The following DLGAP2 variants were observed in gnomAD, a reference collection of about 807,000 sequenced individuals.
DLGAP2 encodes disks large-associated protein 2.
In DLGAP2, 26 loss-of-function variants were observed where a neutral mutation model predicts 100.3. The observed-to-expected ratio is 0.26, with a 90% CI of 0.19 to 0.36. The LOEUF is 0.36. Ranked by LOEUF, DLGAP2 falls within the 10% of genes least tolerant of loss-of-function variation. DLGAP2 has a pLI of 1.00. For synonymous variants in DLGAP2, 886 were observed against 630.1 expected, an observed-to-expected ratio of 1.41 and a Z score of -6.08; for missense variants, 1,858 against 1,453.2, an observed-to-expected ratio of 1.28 and a Z score of -4.53.
At chr8:927,304 T>A (rs184595181) in intron 2 of DLGAP2, 2 of 896,526 alleles carry the variant, frequency 2.2e-6, no homozygotes, top group African/African-American at 3.6e-5. Flanking sequence ...TGGCGACTGT[T>A]TTCTTACTTG....
chr8:1,350,244 C>T (rs1247376190), intron 3 of DLGAP2, among the ~76,000 whole-genome samples: 101 of 117,342 alleles, frequency 8.6e-4, no homozygotes, highest in Middle Eastern at 5.4e-3. Context: ...GTGGAAAGGC[C>T]GTGCGGGTCC....
chr8:1,534,812 G>A (rs1801102803), intron 4 of DLGAP2, among the ~76,000 whole-genome samples: 1 of 152,178 alleles, frequency 6.6e-6, no homozygotes, highest in African/African-American at 2.4e-5. Flanking sequence ...GTGTGCGCGT[G>A]ATGTGTGTGC....
At chr8:1,104,488 G>A (rs1050075944) in intron 2 of DLGAP2, among the ~76,000 whole-genome samples, 11 of 152,336 alleles carry the variant, frequency 7.2e-5, no homozygotes, top group Admixed American at 3.9e-4. Context: ...AGGGGTGGGC[G>A]TGTAAAACCA....
intron 2 of DLGAP2, among the ~76,000 whole-genome samples, chr8:1,012,747 G>A (rs549107794): frequency 2.9e-4 from 32 of 112,044 alleles, no homozygotes; most frequent in African/African-American, 9.7e-4. Context: ...CCACTTCAGC[G>A]GCAGTGTGGA....
intron 2 of DLGAP2, among the ~76,000 whole-genome samples, chr8:955,276 G>A (rs1584921270): frequency 6.6e-6 from 1 of 152,070 alleles, no homozygotes; most frequent in Non-Finnish European, 1.5e-5. Context: ...TATGTTTATG[G>A]AGTTAAACCT....
chr8:1,542,940 G>T (rs931135300), intron 4 of DLGAP2, among the ~76,000 whole-genome samples: 3 of 152,166 alleles, frequency 2.0e-5, no homozygotes, highest in African/African-American at 2.4e-5. Flanking sequence ...CTGTGGTTTT[G>T]ATTTCATTTC....
At chr8:872,863 A>G (rs922425949) in intron 1 of DLGAP2, among the ~76,000 whole-genome samples, 75 of 152,126 alleles carry the variant, frequency 4.9e-4, no homozygotes, top group African/African-American at 1.7e-3. Context: ...AGTCCTCAAT[A>G]TCCAGGGTGG....
At chr8:1,456,646 T>A (rs1020354879) in intron 3 of DLGAP2, among the ~76,000 whole-genome samples, 1 of 152,218 alleles carries the variant, frequency 6.6e-6, no homozygotes, top group Non-Finnish European at 1.5e-5. Flanking sequence ...ACAAATTGCA[T>A]CATTAGAAAA....
chr8:1,124,526 T>A (rs1043457593), intron 2 of DLGAP2, among the ~76,000 whole-genome samples: 3 of 152,266 alleles, frequency 2.0e-5, no homozygotes, highest in Non-Finnish European at 2.9e-5. Flanking sequence ...AATATACTTT[T>A]CTGTTTGTTT....
chr8:1,132,342 G>C (rs943598638), intron 2 of DLGAP2, among the ~76,000 whole-genome samples: 26 of 152,160 alleles, frequency 1.7e-4, no homozygotes, highest in African/African-American at 6.0e-4. Context: ...GCATTGCCTG[G>C]AGATGGGTTA....
intron 3 of DLGAP2, among the ~76,000 whole-genome samples, chr8:1,483,358 T>A (rs1161986215): frequency 2.0e-5 from 3 of 152,136 alleles, no homozygotes; most frequent in Non-Finnish European, 4.4e-5. Context: ...GGCCGCGGTG[T>A]GTTTCCAGAG....
chr8:807,003 C>T (rs568889590), intron 1 of DLGAP2, among the ~76,000 whole-genome samples: 102 of 152,312 alleles, frequency 6.7e-4, no homozygotes, highest in African/African-American at 2.3e-3. Context: ...CGTGCTTTCA[C>T]CCTGAATCTC....
chr8:1,258,997 C>A, intron 3 of DLGAP2, 114 bp downstream of exon 3: 1 of 895,278 alleles, frequency 1.1e-6, no homozygotes, highest in Non-Finnish European at 1.5e-6. Context: ...ATTGAGGACG[C>A]AGTCTGTGTG....
chr8:1,185,069 C>T (rs911732013), intron 2 of DLGAP2, among the ~76,000 whole-genome samples: 3 of 152,026 alleles, frequency 2.0e-5, no homozygotes, highest in African/African-American at 7.3e-5. Context: ...AAAGGTCGGG[C>T]GAGGGTTCTG....
At chr8:1,001,664 T>A (rs1028835797) in intron 2 of DLGAP2, among the ~76,000 whole-genome samples, 1 of 152,096 alleles carries the variant, frequency 6.6e-6, no homozygotes, top group African/African-American at 2.4e-5. Context: ...CAAAGTAATA[T>A]TGATGTTATA....
At chr8:874,819 C>G (rs572461680) in intron 1 of DLGAP2, among the ~76,000 whole-genome samples, 1 of 152,122 alleles carries the variant, frequency 6.6e-6, no homozygotes, top group African/African-American at 2.4e-5. Flanking sequence ...GTATTAAAGT[C>G]TTCGGCTATT....
intron 3 of DLGAP2, among the ~76,000 whole-genome samples, chr8:1,465,983 A>G (rs1004305306): frequency 6.6e-6 from 1 of 151,712 alleles, no homozygotes; most frequent in Non-Finnish European, 1.5e-5. Flanking sequence ...TCAGAGAGAG[A>G]CTCCCAACGT....
At chr8:1,589,085 A>T (rs938609903) in intron 6 of DLGAP2, among the ~76,000 whole-genome samples, 7 of 152,232 alleles carry the variant, frequency 4.6e-5, no homozygotes, top group Non-Finnish European at 8.8e-5. Flanking sequence ...ATAATGTATG[A>T]ATGCACAGTA....
intron 3 of DLGAP2, among the ~76,000 whole-genome samples, chr8:1,299,562 C>T (rs553182794): frequency 1.3e-5 from 2 of 152,314 alleles, no homozygotes; most frequent in Non-Finnish European, 2.9e-5. Context: ...AGAATTCACT[C>T]GCACCTTTGG....
Sources: allele counts gnomAD v4.1 joint callset (sites outside exome capture counted in the v4.1 genomes callset), GRCh38; gene constraint gnomAD v4.1.1; transcripts MANE v1.5; gene names NCBI Gene and HGNC (gene_info 2026-07-23, HGNC 2026-07-21).